MAGI2: variants seen among roughly 807,000 people sequenced by gnomAD.
MAGI2 encodes the protein membrane-associated guanylate kinase, WW and PDZ domain-containing protein 2.
MAGI2 carries 35 observed loss-of-function variants against 133.3 expected under a neutral mutation model. The observed-to-expected ratio is 0.26, with a 90% CI of 0.20 to 0.35. MAGI2 has a LOEUF of 0.35. Ranked by LOEUF, MAGI2 falls within the 10% of genes least tolerant of loss-of-function variation. MAGI2 has a pLI of 1.00. For missense variants in MAGI2, 1,636 were observed against 1,863.4 expected (o/e 0.88, Z 2.25); for synonymous variants, 729 against 710.6 (o/e 1.03, Z -0.41).
chr7:78,777,982 G>C (rs897890110), intron 2 of MAGI2, among the ~76,000 whole-genome samples: 2 of 152,164 alleles, frequency 1.3e-5, no homozygotes, highest in Non-Finnish European at 2.9e-5. Flanking sequence ...CAAAGCACAA[G>C]TAGAAGGGCT....
At chr7:78,049,249 C>T (rs891181871) in intron 21 of MAGI2, among the ~76,000 whole-genome samples, 8 of 152,336 alleles carry the variant, frequency 5.3e-5, no homozygotes, top group East Asian at 1.9e-4. Flanking sequence ...GACGGCATCT[C>T]ATAATTTCCA....
At chr7:78,768,888 TC>T (rs1825296164) in intron 2 of MAGI2, among the ~76,000 whole-genome samples, 1 of 152,150 alleles carries the variant, frequency 6.6e-6, no homozygotes, top group East Asian at 1.9e-4. Context: ...AGTCACACAA[TC>T]ATCCTAAAAT....
chr7:78,759,197 G>T (rs114131504), intron 2 of MAGI2, among the ~76,000 whole-genome samples: 141 of 151,944 alleles, frequency 9.3e-4, no homozygotes, highest in Non-Finnish European at 1.9e-3. Flanking sequence ...AAGTAATCAA[G>T]TCTACCAGAG....
At chr7:78,791,142 G>A (rs37859) in intron 2 of MAGI2, among the ~76,000 whole-genome samples, 49,843 of 151,964 alleles carry the variant, frequency 0.33, 8,562 homozygotes, top group East Asian at 0.52. Flanking sequence ...CTCTGGAGAG[G>A]AGTCCTCCGT....
intron 1 of MAGI2, among the ~76,000 whole-genome samples, chr7:79,394,207 G>A (rs1844877999): frequency 6.6e-6 from 1 of 152,080 alleles, no homozygotes. Flanking sequence ...GACATGTCTT[G>A]GGCAACTGAA....
At chr7:79,070,309 C>T (rs1051416429) in intron 1 of MAGI2, among the ~76,000 whole-genome samples, 2 of 151,576 alleles carry the variant, frequency 1.3e-5, no homozygotes, top group South Asian at 2.1e-4. Context: ...CATTTCTTTT[C>T]ATTCTTTTTT....
intron 2 of MAGI2, among the ~76,000 whole-genome samples, chr7:78,776,180 A>G (rs1387947282): frequency 1.3e-5 from 2 of 152,214 alleles, no homozygotes; most frequent in African/African-American, 4.8e-5. Flanking sequence ...TTATTTTATT[A>G]CCACTATTGT....
At chr7:78,565,589 C>G (rs1800864223) in intron 3 of MAGI2, among the ~76,000 whole-genome samples, 1 of 151,744 alleles carries the variant, frequency 6.6e-6, no homozygotes, top group Non-Finnish European at 1.5e-5. Flanking sequence ...TTAAAAAAAT[C>G]ACACCATTAA....
rs3840597 is a variant in MAGI2, at chr7:78,151,048, CTTTATATTTATATTTATA to C, written c.2845+8959_2845+8976del. Among the ~76,000 whole-genome samples the C allele has an allele frequency of 4.5e-3, 619 of 137,794 alleles. 9 individuals are homozygous for C. The highest frequency in any genetic ancestry group is 0.027 in the South Asian group (111 of 4,092). 90.4% of individuals were successfully genotyped at this position (137,794 alleles called of 152,430 possible). On this transcript the variant is annotated intron_variant, in intron 16 of 21. Transcript: ENST00000354212. ...GTATCAGGGGACTTGGAGTTTGATG[CTTTATATTTATATTTATA>C]TTTATATTTATATTTATATTTATAT...
intron 21 of MAGI2, among the ~76,000 whole-genome samples, chr7:78,029,678 G>A (rs1164752936): frequency 6.6e-6 from 1 of 151,572 alleles, no homozygotes; most frequent in East Asian, 2.0e-4. Context: ...ACTACTGCGT[G>A]TTGAAAACCA....
At chr7:78,567,512 G>C (rs573262489) in intron 3 of MAGI2, among the ~76,000 whole-genome samples, 1 of 152,168 alleles carries the variant, frequency 6.6e-6, no homozygotes, top group Non-Finnish European at 1.5e-5. Context: ...CAACTACCCA[G>C]TAGGATACAT....
At chr7:78,379,859 G>A (rs1330094916) in intron 6 of MAGI2, among the ~76,000 whole-genome samples, 2 of 151,930 alleles carry the variant, frequency 1.3e-5, no homozygotes, top group African/African-American at 4.8e-5. Context: ...TGACCATAAT[G>A]CAATAAAATG....
Position 79,019,295 on chromosome 7 carries a change from A to G in MAGI2, c.302-12089T>C, listed in dbSNP as rs142352148. Among the ~76,000 whole-genome samples, 215 of 152,268 alleles carry G rather than the reference A, an allele frequency of 1.4e-3. 1 individual carries two copies. Among genetic ancestry groups the G allele is most frequent in the African/African-American group, 4.8e-3 (200 of 41,568 alleles). On this transcript the variant is annotated intron_variant, in intron 1 of 21. Coordinates refer to ENST00000354212, the MANE Select transcript of MAGI2 (RefSeq NM_012301.4). The stretch of plus-strand genomic sequence containing the variant: ...GGCAGGACTGGGTGGAGATAATTTA[A>G]TCATGGGGGCAGTTTCCCCCATGCT...
chr7:79,207,334 C>T (rs1338026029), intron 1 of MAGI2, among the ~76,000 whole-genome samples: 1 of 151,638 alleles, frequency 6.6e-6, no homozygotes, highest in Non-Finnish European at 1.5e-5. Context: ...CAGATGCCTC[C>T]AAAAAGAATT....
intron 2 of MAGI2, among the ~76,000 whole-genome samples, chr7:78,649,155 T>C (rs1811225217): frequency 1.4e-5 from 2 of 138,532 alleles, no homozygotes; most frequent in Non-Finnish European, 3.0e-5. Flanking sequence ...TTTCCCACAA[T>C]GACTTGTTGA....
At chr7:78,745,373 A>G (rs527371055) in intron 2 of MAGI2, among the ~76,000 whole-genome samples, 1 of 152,122 alleles carries the variant, frequency 6.6e-6, no homozygotes, top group East Asian at 1.9e-4. Context: ...CAGAGGCCCA[A>G]CTCCTGCTGG....
intron 21 of MAGI2, among the ~76,000 whole-genome samples, chr7:78,034,111 C>G (rs1008787316): frequency 2.6e-5 from 4 of 152,132 alleles, no homozygotes; most frequent in Non-Finnish European, 4.4e-5. Flanking sequence ...TGAAGAAATT[C>G]TACTAATTTT....
chr7:79,452,383 C>T (rs890888796), intron 1 of MAGI2, among the ~76,000 whole-genome samples: 2 of 152,162 alleles, frequency 1.3e-5, no homozygotes, highest in African/African-American at 4.8e-5. Flanking sequence ...ATGACACGAC[C>T]GTGAGCGGGG....
At chr7:78,461,061 CT>C (rs1218693293) in intron 6 of MAGI2, among the ~76,000 whole-genome samples, 44 of 152,236 alleles carry the variant, frequency 2.9e-4, no homozygotes, top group Admixed American at 1.6e-3. Context: ...TACCTATCCT[CT>C]TTTCATCCCC....
Sources: allele counts gnomAD v4.1 joint callset (sites outside exome capture counted in the v4.1 genomes callset), GRCh38; gene constraint gnomAD v4.1.1; transcripts MANE v1.5; gene names NCBI Gene and HGNC (gene_info 2026-07-23, HGNC 2026-07-21).